The following GALNT9 variants were observed in gnomAD, a reference collection of about 807,000 sequenced individuals.
The protein encoded by GALNT9 is polypeptide N-acetylgalactosaminyltransferase 9.
Under a neutral mutation model 63.1 loss-of-function variants are expected in GALNT9, and 47 were observed. That is an observed-to-expected ratio of 0.75 (90% CI 0.59 to 0.95). GALNT9 has a LOEUF of 0.95. Among genes scored for constraint, GALNT9 ranks in the 40% least tolerant of loss-of-function variants. The pLI, the probability that GALNT9 is intolerant of heterozygous loss-of-function variation, is 0.00. For missense variants in GALNT9, 829 were observed against 874.8 expected, an observed-to-expected ratio of 0.95 and a Z score of 0.66; for synonymous variants, 396 against 365.7, an observed-to-expected ratio of 1.08 and a Z score of -0.94.
chr12:132,291,410 ACACGTCCACAGCACCCACAACCACAGCG>A lies in GALNT9; in HGVS notation c.239-5008_239-4981del, dbSNP rs1880833422. On this transcript the variant is annotated intron_variant, in intron 1 of 10. Transcript: ENST00000328957. ...TCCACAGCACCCACGTCCACAGCGC[ACACGTCCACAGCACCCACAACCACAGCG>A]CCCACGTCCACATCACCCACATCCA... Among the ~76,000 whole-genome samples the A allele has an allele frequency of 1.1e-4, 3 of 27,580 alleles. 1 individual carries two copies. Among genetic ancestry groups the A allele is most frequent in the Admixed American group, 7.3e-4 (2 of 2,732 alleles). 18.1% of individuals were successfully genotyped at this position (27,580 alleles called of 152,430 possible).
chr12:132,269,426 C>G (rs1028762740), intron 2 of GALNT9, among the ~76,000 whole-genome samples: 3 of 152,130 alleles, frequency 2.0e-5, no homozygotes, highest in African/African-American at 7.2e-5. Flanking sequence ...CAGCGTCCTC[C>G]GGGCGGGAGC....
intron 6 of GALNT9, among the ~76,000 whole-genome samples, chr12:132,206,483 C>T (rs1876705115): frequency 6.6e-6 from 1 of 152,108 alleles, no homozygotes; most frequent in Non-Finnish European, 1.5e-5. Context: ...CCCATGTCTA[C>T]TAAAAATACA....
intron 6 of GALNT9, among the ~76,000 whole-genome samples, chr12:132,225,745 AC>A (rs1241585788): frequency 4.6e-5 from 6 of 131,670 alleles, no homozygotes; most frequent in Non-Finnish European, 9.5e-5. Flanking sequence ...GTACATACAC[AC>A]CCCCCACAAC....
At chr12:132,297,223 C>A (rs1286990470) in intron 1 of GALNT9, among the ~76,000 whole-genome samples, 1 of 142,914 alleles carries the variant, frequency 7.0e-6, no homozygotes, top group Non-Finnish European at 1.6e-5. Context: ...GACCAAGCCA[C>A]TTCCATCATA....
At chr12:132,213,610 CAT>C (rs1321830061) in intron 6 of GALNT9, among the ~76,000 whole-genome samples, 18 of 152,326 alleles carry the variant, frequency 1.2e-4, no homozygotes, top group African/African-American at 3.6e-4. Flanking sequence ...CACTCACACA[CAT>C]GTGCACTCAG....
intron 6 of GALNT9, among the ~76,000 whole-genome samples, chr12:132,239,411 C>T (rs1287924742): frequency 1.3e-5 from 2 of 149,294 alleles, no homozygotes; most frequent in South Asian, 2.1e-4. Context: ...GAGACACACA[C>T]TGAGAGACTG....
At chr12:132,251,424 C>T (rs887214475) in intron 5 of GALNT9, among the ~76,000 whole-genome samples, 2 of 152,212 alleles carry the variant, frequency 1.3e-5, no homozygotes, top group East Asian at 1.9e-4. Flanking sequence ...TCCCGGCATC[C>T]GCTTTCCGGG....
chr12:132,201,746 T>A (rs79421079), intron 7 of GALNT9, among the ~76,000 whole-genome samples: 6,289 of 151,842 alleles, frequency 0.041, 432 homozygotes, highest in African/African-American at 0.14. Flanking sequence ...AATCAAGTCC[T>A]TGGGACCCCC....
chr12:132,261,226 T>C, intron 3 of GALNT9, 104 bp from the exon 4 acceptor site: 1 of 1,502,026 alleles, frequency 6.7e-7, no homozygotes, highest in Non-Finnish European at 8.9e-7. Context: ...GATGGGTGTA[T>C]TGTAAACATT....
At chr12:132,214,284 A>G (rs1472855986) in intron 6 of GALNT9, among the ~76,000 whole-genome samples, 3 of 152,194 alleles carry the variant, frequency 2.0e-5, no homozygotes, top group African/African-American at 7.2e-5. Context: ...CACCGTCAGC[A>G]GGAGCCCAGG....
At chr12:132,306,001 C>T (rs1435286852) in intron 1 of GALNT9, among the ~76,000 whole-genome samples, 1 of 152,106 alleles carries the variant, frequency 6.6e-6, no homozygotes, top group Non-Finnish European at 1.5e-5. Context: ...GGCCCACCCT[C>T]AGGACAGGGG....
intron 2 of GALNT9, among the ~76,000 whole-genome samples, chr12:132,268,500 C>T: frequency 6.6e-6 from 1 of 152,268 alleles, no homozygotes; most frequent in African/African-American, 2.4e-5. Flanking sequence ...AAGATTTCTT[C>T]ACTATGGCAA....
At chr12:132,275,889 GGT>G (rs1555241149) in intron 2 of GALNT9, 3 of 152,748 alleles carry the variant, frequency 2.0e-5, no homozygotes, top group Non-Finnish European at 2.9e-5. Context: ...TGTGTGCCCA[GGT>G]GTGTGTGTGG....
intron 1 of GALNT9, among the ~76,000 whole-genome samples, chr12:132,291,410 A>ACC (rs1566015189): frequency 1.8e-4 from 5 of 27,610 alleles, no homozygotes; most frequent in African/African-American, 6.0e-4. Context: ...TCCACAGCGC[A>ACC]CACGTCCACA....
At position 132,319,350 on chromosome 12, in the gene GALNT9, C is replaced by T. The variant is rs1868673957; in HGVS notation, c.238+9616G>A. ...AGGGCAGCTTCATGTCCTGTGTGAG[C>T]TGAGACCTCCCTCTGCTCCTGCCTG... On this transcript the variant is annotated intron_variant, in intron 1 of 10. Coordinates refer to ENST00000328957, the MANE Select transcript of GALNT9 (RefSeq NM_001122636.2). This position sits in a 1 kb window ranked among gnomAD's most constrained non-coding sequence, Gnocchi z 5.2. Among the ~76,000 whole-genome samples the T allele has an allele frequency of 6.6e-6, 1 of 152,174 alleles. No homozygotes were observed. The highest frequency in any genetic ancestry group is 1.5e-5 in the Non-Finnish European group (1 of 68,024).
rs149005519 is a variant in GALNT9, at chr12:132,324,246, C to T, written c.238+4720G>A. Among the ~76,000 whole-genome samples the T allele has an allele frequency of 4.0e-3, 611 of 152,174 alleles. 4 individuals carry two copies. The highest frequency in any genetic ancestry group is 0.014 in the African/African-American group (578 of 41,534). On this transcript the variant is annotated intron_variant, in intron 1 of 10. Coordinates refer to ENST00000328957, the MANE Select transcript of GALNT9 (RefSeq NM_001122636.2). ...GCTCTCGAGGGAGAGTGTGCCGGAG[C>T]CGGCAGAGTGGGGGCCGCAGGACAT... is the stretch of plus-strand genomic sequence containing the variant.
In GALNT9 at chr12:132,310,570, G is replaced by A. The variant is rs1255041719; in HGVS notation, c.238+18396C>T. ...TTGGCCGCCTGCTTTCCCAGCACAC[G>A]ATACCTGGGATATGTGGGCGGCTGT... On this transcript the variant is annotated intron_variant, in intron 1 of 10. Transcript: ENST00000328957. This position sits in a 1 kb window ranked among gnomAD's most constrained non-coding sequence, Gnocchi z 4.8. Among the ~76,000 whole-genome samples the A allele has an allele frequency of 1.3e-5, 2 of 152,204 alleles. No individual in the cohort carries two copies. The highest frequency in any genetic ancestry group is 2.4e-5 in the African/African-American group (1 of 41,448).
At chr12:132,260,835 T>G in intron 4 of GALNT9, 113 bp downstream of exon 4, 2 of 1,392,822 alleles carry the variant, frequency 1.4e-6, no homozygotes, top group Non-Finnish European at 1.9e-6. Context: ...ACGGCGAGTC[T>G]CCCAGCCCCG....
intron 6 of GALNT9, among the ~76,000 whole-genome samples, chr12:132,206,377 G>A (rs1442015728): frequency 1.3e-5 from 2 of 152,202 alleles, no homozygotes; most frequent in Non-Finnish European, 2.9e-5. Flanking sequence ...CCGGGCACAG[G>A]GGCCTCACAC....
Sources: gnomAD v4.1 joint callset for allele counts (sites outside exome capture counted in the v4.1 genomes callset) on GRCh38, gnomAD v4.1.1 for gene constraint, Gnocchi (gnomAD v3.1) non-coding constraint, MANE v1.5 for transcripts, NCBI Gene and HGNC (gene_info 2026-07-23, HGNC 2026-07-21) for gene names.